VPS13D: variants seen among roughly 807,000 people sequenced by gnomAD.
VPS13D encodes the protein intermembrane lipid transfer protein VPS13D.
Under a neutral mutation model 461.9 loss-of-function variants are expected in VPS13D, and 187 were observed. The ratio of observed to expected loss-of-function variants is 0.40; its 90% CI spans 0.36 to 0.46. The LOEUF is 0.46. Ranked by LOEUF, VPS13D falls within the 20% of genes least tolerant of loss-of-function variation. The pLI, the probability that VPS13D is intolerant of heterozygous loss-of-function variation, is 0.60. For synonymous variants in VPS13D, 1,951 were observed against 1,986.3 expected (o/e 0.98, Z 0.47); for missense variants, 4,711 against 5,364.9 (o/e 0.88, Z 3.81).
intron 22 of VPS13D, among the ~76,000 whole-genome samples, chr1:12,288,997 A>G (rs1443743222): frequency 6.6e-6 from 1 of 152,150 alleles, no homozygotes; most frequent in African/African-American, 2.4e-5. Flanking sequence ...GCATGCCACC[A>G]TGCCCAACTA....
At position 12,473,439 on chromosome 1, in the gene VPS13D, A is replaced by G. The variant is rs545767681; in HGVS notation, c.12662+13043A>G. 5.3e-5 allele frequency among the ~76,000 whole-genome samples: 8 copies of G among 152,206 alleles called. No individual in the cohort carries two copies. The highest frequency in any genetic ancestry group is 7.3e-5 in the Non-Finnish European group (5 of 68,038). On this transcript the variant is annotated intron_variant, in intron 67 of 69. Coordinates refer to ENST00000620676, the MANE Select transcript of VPS13D (RefSeq NM_015378.4). This position sits in a 1 kb window ranked among gnomAD's most constrained non-coding sequence, Gnocchi z 4.2. ...CTGCAGTGCGAGGGTAAACAGGCCT[A>G]CTGGGGAGTCGGTTGGCCCTGGGTT...
chr1:12,340,876 A>G (rs998053972), intron 40 of VPS13D, among the ~76,000 whole-genome samples: 2 of 152,112 alleles, frequency 1.3e-5, no homozygotes, highest in African/African-American at 2.4e-5. Flanking sequence ...CCAGTGGAGG[A>G]GACAGGTCCT....
rs1452362031 is a variant in VPS13D, at chr1:12,495,750, G to A, written c.12663-1750G>A. On this transcript the variant is annotated intron_variant, in intron 67 of 69. Transcript: ENST00000620676. This position sits in a 1 kb window ranked among gnomAD's most constrained non-coding sequence, Gnocchi z 4.0. Reference sequence around the variant, plus strand: ...CATATTCCTCTTGGAGAGCCTTTGGGCTTCTACCATGTAGCCTGACAGAGA... The same window carrying A: ...CATATTCCTCTTGGAGAGCCTTTGGACTTCTACCATGTAGCCTGACAGAGA... Among the ~76,000 whole-genome samples the A allele has an allele frequency of 2.0e-5, 3 of 152,182 alleles. No homozygotes were observed. The highest frequency in any genetic ancestry group is 4.8e-5 in the African/African-American group (2 of 41,436).
intron 21 of VPS13D, among the ~76,000 whole-genome samples, chr1:12,285,289 T>TC: frequency 6.9e-6 from 1 of 145,176 alleles, no homozygotes; most frequent in East Asian, 1.9e-4. Flanking sequence ...TATTTATTTA[T>TC]TTATTTATTT....
At chr1:12,303,570 GA>G in intron 25 of VPS13D, among the ~76,000 whole-genome samples, 1 of 152,328 alleles carries the variant, frequency 6.6e-6, no homozygotes, top group South Asian at 2.1e-4. Context: ...AAAAATTGCA[GA>G]AAGCAAGAAC....
intron 3 of VPS13D, among the ~76,000 whole-genome samples, chr1:12,243,789 A>G (rs947239762): frequency 1.1e-4 from 17 of 152,276 alleles, no homozygotes; most frequent in Middle Eastern, 3.4e-3. Context: ...CCATTTACCT[A>G]TGTTTCAGTT....
intron 67 of VPS13D, among the ~76,000 whole-genome samples, chr1:12,464,041 A>C (rs527278769): frequency 6.6e-6 from 1 of 152,310 alleles, no homozygotes; most frequent in South Asian, 2.1e-4. Context: ...CAGGTGGAGA[A>C]ATGTTTCAGT....
chr1:12,408,315 CAA>C (rs201931602), intron 63 of VPS13D, among the ~76,000 whole-genome samples: 1,862 of 151,872 alleles, frequency 0.012, 34 homozygotes, highest in African/African-American at 0.04. Flanking sequence ...TTATTTATAC[CAA>C]AGAGAGAGAG....
chr1:12,458,296 G>T (rs1645356405), intron 66 of VPS13D, among the ~76,000 whole-genome samples: 1 of 152,170 alleles, frequency 6.6e-6, no homozygotes. Flanking sequence ...AATGGGAATT[G>T]TGCTCAGTTC....
At chr1:12,363,318 C>G in intron 52 of VPS13D, 71 bp downstream of exon 52, 1 of 1,503,412 alleles carries the variant, frequency 6.7e-7, no homozygotes, top group Non-Finnish European at 9.1e-7. Context: ...AATAACAAGC[C>G]TTGTGTAAAA....
At position 12,288,313 on chromosome 1, in the gene VPS13D, G is replaced by A; in HGVS notation, c.5725G>A (p.Glu1909Lys). 2 of 1,613,974 alleles carry A rather than the reference G, an allele frequency of 1.2e-6. No individual in the cohort carries two copies. Among genetic ancestry groups the A allele is most frequent in the Non-Finnish European group, 1.7e-6 (2 of 1,179,846 alleles). Residue 1909 changes from glutamate to lysine, a missense_variant and splice_region_variant, in exon 22 of 70, where the codon GAG becomes AAG. Transcript: ENST00000620676. ...ATTAGTAGCACACCTGGAAATGATT[G>A]GTAAGTGGTGGGGGGTGGAGGGAAG... ...SKLVAHLEMI[E>K]GDLALQGSIG... is the part of the protein sequence containing the mutation.
At chr1:12,252,187 G>T (rs1319201695) in intron 6 of VPS13D, among the ~76,000 whole-genome samples, 1 of 152,060 alleles carries the variant, frequency 6.6e-6, no homozygotes, top group African/African-American at 2.4e-5. Context: ...TTCGAATAAG[G>T]TTACATACAC....
chr1:12,409,763 A>G (rs1007005108), intron 63 of VPS13D: 2 of 417,392 alleles, frequency 4.8e-6, no homozygotes, highest in Non-Finnish European at 4.7e-6. Flanking sequence ...GACCCAGGCT[A>G]GTTGAGAACT....
chr1:12,424,402 C>T (rs945017671), intron 65 of VPS13D, among the ~76,000 whole-genome samples: 1 of 152,126 alleles, frequency 6.6e-6, no homozygotes, highest in African/African-American at 2.4e-5. Context: ...ATTTTAGATG[C>T]TGAATGACTC....
rs1480214012 is a variant in VPS13D, at chr1:12,495,556, A to G, written c.12663-1944A>G. Among the ~76,000 whole-genome samples the G allele has an allele frequency of 2.0e-5, 3 of 152,238 alleles. No individual in the cohort carries two copies. The highest frequency in any genetic ancestry group is 4.4e-5 in the Non-Finnish European group (3 of 68,046). On this transcript the variant is annotated intron_variant, in intron 67 of 69. Transcript: ENST00000620676. The surrounding 1 kb of genome is among the most constrained non-coding windows in gnomAD (Gnocchi z 4.0). Reference sequence around the variant, plus strand: ...AATTATGAGACTACTGTAATAATATATTACAAATCCAGGGATCCTTTGTTA... The same window carrying G: ...AATTATGAGACTACTGTAATAATATGTTACAAATCCAGGGATCCTTTGTTA...
chr1:12,354,535 T>TA (rs1312692376), intron 47 of VPS13D, among the ~76,000 whole-genome samples: 26 of 150,654 alleles, frequency 1.7e-4, no homozygotes, highest in African/African-American at 5.4e-4. Flanking sequence ...CCCTGTCTCT[T>TA]AAAAAAAAAG....
rs900580366 is a variant in VPS13D at position 12,276,124 on chromosome 1, A to G, written c.2536A>G (p.Thr846Ala). ...TGTCCAGGATATTGACGTGGGACCA[A>G]CACATGTGGTAGAGAAGTTCAACGT... ...KHVQDIDVGP[T>A]HVVEKFNVHL... Residue 846 changes from threonine (T) to alanine (A), a missense_variant, in exon 19 of 70, where the codon ACA becomes GCA. Physicochemically the swap from Thr to Ala is moderately conservative, Grantham distance 58. Around this residue, in one of 3 missense-constraint regions of VPS13D, gnomAD observed 4,411 missense variants for 4,937.8 expected, o/e 0.89. Transcript: ENST00000620676. This position sits in a 1 kb window ranked among gnomAD's most constrained non-coding sequence, Gnocchi z 4.5. The G allele has an allele frequency of 1.2e-6, 2 of 1,614,022 alleles. No individual in the cohort carries two copies. Among genetic ancestry groups the G allele is most frequent in the African/African-American group, 1.3e-5 (1 of 74,924 alleles).
At position 12,308,555 on chromosome 1, in the gene VPS13D, C is replaced by T. The variant is rs1203097623; in HGVS notation, c.6564C>T (p.Phe2188=). 1 of 1,613,774 alleles carries T rather than the reference C, an allele frequency of 6.2e-7. No homozygotes were observed. Reference sequence around the variant, plus strand: ...AGGATAGTAGTGGAGATCTGATCTTCCCTTCCTATTTTGTGCGACAGACAG... The same window carrying T: ...AGGATAGTAGTGGAGATCTGATCTTTCCTTCCTATTTTGTGCGACAGACAG... The part of the protein sequence containing the change: ...APEDSSGDLI[F]PSYFVRQTGG... Residue 2188 remains phenylalanine, a synonymous_variant, in exon 27 of 70, where the codon TTC becomes TTT. Coordinates refer to ENST00000620676, the MANE Select transcript of VPS13D (RefSeq NM_015378.4).
At chr1:12,399,244 T>G (rs1168127882) in intron 60 of VPS13D, among the ~76,000 whole-genome samples, 4 of 151,654 alleles carry the variant, frequency 2.6e-5, no homozygotes, top group Non-Finnish European at 4.4e-5. Context: ...TCACCCAGGC[T>G]GGAGTGCAGT....
Sources: gnomAD v4.1 joint callset for allele counts (sites outside exome capture counted in the v4.1 genomes callset) on GRCh38, gnomAD v4.1.1 for gene constraint, gnomAD v4.1.1 regional missense constraint, Gnocchi (gnomAD v3.1) non-coding constraint, MANE v1.5 for transcripts, NCBI Gene and HGNC (gene_info 2026-07-23, HGNC 2026-07-21) for gene names.